FMN2: variants seen among roughly 807,000 people sequenced by gnomAD.
FMN2 encodes the protein formin-2.
FMN2 carries 51 observed loss-of-function variants against 142.3 expected under a neutral mutation model. That is an observed-to-expected ratio of 0.36 (90% CI 0.29 to 0.45). FMN2 has a LOEUF of 0.45. Ranked by LOEUF, FMN2 falls within the 20% of genes least tolerant of loss-of-function variation. FMN2 has a pLI of 1.00. For synonymous variants in FMN2, 882 were observed against 869.8 expected (o/e 1.01, Z -0.25); for missense variants, 1,936 against 2,122.8 (o/e 0.91, Z 1.73).
intron 16 of FMN2, among the ~76,000 whole-genome samples, chr1:240,448,360 A>G (rs1281377838): frequency 6.6e-6 from 1 of 152,172 alleles, no homozygotes; most frequent in Non-Finnish European, 1.5e-5. Context: ...AAAAAATACT[A>G]TATGTATGCA....
intron 16 of FMN2, among the ~76,000 whole-genome samples, chr1:240,453,707 G>GAACACATAGAAGGTAAAA (rs1572331912): frequency 1.3e-5 from 1 of 77,494 alleles, no homozygotes; most frequent in Non-Finnish European, 3.2e-5. Flanking sequence ...GGAAGGCATA[G>GAACACATAGAAGGTAAAA]GGCCGGGCGC....
At chr1:240,265,627 G>A (rs984056196) in intron 7 of FMN2, among the ~76,000 whole-genome samples, 1 of 152,152 alleles carries the variant, frequency 6.6e-6, no homozygotes, top group East Asian at 1.9e-4. Flanking sequence ...ACCCCAGTTT[G>A]TCATATTTTG....
chr1:240,171,077 C>T (rs1249145183), intron 2 of FMN2: 3 of 1,425,204 alleles, frequency 2.1e-6, no homozygotes, highest in East Asian at 2.3e-5. Context: ...GAAATTGCCA[C>T]TCATCCATTC....
intron 2 of FMN2, among the ~76,000 whole-genome samples, chr1:240,160,585 T>TA (rs940697662): frequency 6.6e-6 from 1 of 151,654 alleles, no homozygotes; most frequent in Non-Finnish European, 1.5e-5. Flanking sequence ...CAGAAACTCT[T>TA]AGGAAACTTA....
chr1:240,121,705 T>G (rs1299807750), intron 1 of FMN2, among the ~76,000 whole-genome samples: 2 of 125,020 alleles, frequency 1.6e-5, no homozygotes, highest in Non-Finnish European at 3.2e-5. Context: ...CTTCTTATTA[T>G]GCCTCTCTTG....
intron 6 of FMN2, among the ~76,000 whole-genome samples, chr1:240,223,652 C>T (rs925840584): frequency 1.5e-4 from 23 of 152,042 alleles, no homozygotes; most frequent in African/African-American, 5.6e-4. Flanking sequence ...ATTACTGCCT[C>T]GTTTTCAGAA....
intron 6 of FMN2, among the ~76,000 whole-genome samples, chr1:240,230,296 C>A (rs1667491959): frequency 7.9e-6 from 1 of 126,384 alleles, no homozygotes; most frequent in South Asian, 2.5e-4. Context: ...CACTGCACTC[C>A]AGCCTGGGCA....
chr1:240,097,867 T>G (rs570862800), intron 1 of FMN2, among the ~76,000 whole-genome samples: 1 of 152,174 alleles, frequency 6.6e-6, no homozygotes, highest in African/African-American at 2.4e-5. Context: ...ATTTTTCGAA[T>G]GAAAAAACCC....
chr1:240,447,178 G>A (rs543805700), intron 16 of FMN2, among the ~76,000 whole-genome samples: 4 of 152,108 alleles, frequency 2.6e-5, no homozygotes, highest in South Asian at 2.1e-4. Context: ...CTCTGGTTAA[G>A]GTTTAGAAGC....
chr1:240,253,405 T>C (rs1232867915), intron 6 of FMN2, among the ~76,000 whole-genome samples: 2 of 152,238 alleles, frequency 1.3e-5, no homozygotes, highest in Non-Finnish European at 2.9e-5. Flanking sequence ...TTTTGTATTT[T>C]ATTCAATGAA....
intron 14 of FMN2, among the ~76,000 whole-genome samples, chr1:240,385,158 T>G (rs1318177653): frequency 2.6e-5 from 4 of 152,132 alleles, no homozygotes; most frequent in African/African-American, 9.7e-5. Flanking sequence ...ACATCAGAAG[T>G]TTTTTTGGCT....
intron 2 of FMN2, among the ~76,000 whole-genome samples, chr1:240,158,588 A>C (rs945477085): frequency 6.6e-6 from 1 of 152,094 alleles, no homozygotes; most frequent in Non-Finnish European, 1.5e-5. Context: ...AAAATCACAT[A>C]ACTGCATCTC....
At chr1:240,187,696 A>G (rs545785784) in intron 3 of FMN2, among the ~76,000 whole-genome samples, 2 of 152,294 alleles carry the variant, frequency 1.3e-5, no homozygotes, top group African/African-American at 4.8e-5. Context: ...CTCAGATGAC[A>G]TGAGGACTAA....
At chr1:240,160,824 T>C (rs921646141) in intron 2 of FMN2, among the ~76,000 whole-genome samples, 1 of 152,148 alleles carries the variant, frequency 6.6e-6, no homozygotes, top group Non-Finnish European at 1.5e-5. Context: ...GATGTGATTG[T>C]ATATGTAAAA....
chr1:240,356,543 G>A (rs1030979615), intron 14 of FMN2, among the ~76,000 whole-genome samples: 72 of 152,258 alleles, frequency 4.7e-4, no homozygotes, highest in African/African-American at 1.7e-3. Flanking sequence ...GGAAAAGAAA[G>A]CATCTATTAA....
chr1:240,470,682 T>C (rs1676779896), intron 16 of FMN2, among the ~76,000 whole-genome samples: 1 of 152,176 alleles, frequency 6.6e-6, no homozygotes, highest in Non-Finnish European at 1.5e-5. Context: ...AATTAGGCTA[T>C]AAGGTCTATA....
At chr1:240,235,650 G>A (rs998028098) in intron 6 of FMN2, 1 of 151,988 alleles carries the variant, frequency 6.6e-6, no homozygotes, top group African/African-American at 2.4e-5. Flanking sequence ...CAAAATCCTG[G>A]GCTCAAGTGA....
chr1:240,404,979 T>TA (rs1480167770), intron 15 of FMN2, among the ~76,000 whole-genome samples: 4 of 152,194 alleles, frequency 2.6e-5, no homozygotes, highest in African/African-American at 7.2e-5. Flanking sequence ...AGTTATGTTG[T>TA]AAAAATGGAA....
At chr1:240,459,390 CT>C (rs1328342478) in intron 16 of FMN2, 6 of 152,178 alleles carry the variant, frequency 3.9e-5, no homozygotes, top group African/African-American at 9.7e-5. Flanking sequence ...CTAGCCACCT[CT>C]GATTGCTATT....
Sources: allele counts gnomAD v4.1 joint callset (sites outside exome capture counted in the v4.1 genomes callset), GRCh38; gene constraint gnomAD v4.1.1; transcripts MANE v1.5; gene names NCBI Gene and HGNC (gene_info 2026-07-23, HGNC 2026-07-21).